The following EMB variants were observed in gnomAD, a reference collection of about 807,000 sequenced individuals.
EMB encodes embigin.
In EMB, 31 loss-of-function variants were observed where a neutral mutation model predicts 41.4. That is an observed-to-expected ratio of 0.75 (90% CI 0.56 to 1.01). The LOEUF is 1.01. Among genes scored for constraint, EMB ranks in the 50% least tolerant of loss-of-function variants. The pLI, the probability that EMB is intolerant of heterozygous loss-of-function variation, is 0.00. For missense variants in EMB, 379 were observed against 388.3 expected, an observed-to-expected ratio of 0.98 and a Z score of 0.20; for synonymous variants, 137 against 140.4, an observed-to-expected ratio of 0.98 and a Z score of 0.17.
intron 7 of EMB, among the ~76,000 whole-genome samples, chr5:50,401,864 A>AT (rs544245047): frequency 1.3e-5 from 2 of 151,968 alleles, no homozygotes; most frequent in South Asian, 4.1e-4. Flanking sequence ...GAGCAACTGT[A>AT]TTTTTTTAAA....
At chr5:50,415,639 A>G (rs1388207249) in intron 2 of EMB, among the ~76,000 whole-genome samples, 2 of 152,210 alleles carry the variant, frequency 1.3e-5, no homozygotes, top group Non-Finnish European at 2.9e-5. Context: ...TTTAGAGATG[A>G]GGCAAAGAGA....
chr5:50,403,967 T>C (rs965569860), intron 5 of EMB, among the ~76,000 whole-genome samples: 12 of 151,824 alleles, frequency 7.9e-5, no homozygotes, highest in Non-Finnish European at 1.5e-5. Flanking sequence ...CTGATGTAGA[T>C]AGAATGGAGG....
chr5:50,437,736 G>A (rs1745828068), intron 1 of EMB, among the ~76,000 whole-genome samples: 1 of 150,460 alleles, frequency 6.6e-6, no homozygotes, highest in African/African-American at 2.5e-5. Flanking sequence ...CTAGAAAGCT[G>A]CTGTGTTTGG....
intron 7 of EMB, among the ~76,000 whole-genome samples, 180 bp from the exon 8 acceptor site, chr5:50,400,093 G>C (rs1219030122): frequency 6.6e-6 from 1 of 152,014 alleles, no homozygotes; most frequent in Non-Finnish European, 1.5e-5. Context: ...TTGAAGAGGA[G>C]CTGTTACCAC....
At chr5:50,442,445 G>A (rs768163637), upstream of EMB, among the ~76,000 whole-genome samples, 129 of 152,210 alleles carry the variant, frequency 8.5e-4, no homozygotes, top group Middle Eastern at 0.01. Context: ...TCTACCAGGT[G>A]CCAATCTACC....
intron 2 of EMB, among the ~76,000 whole-genome samples, chr5:50,427,821 G>C (rs1170291939): frequency 6.6e-6 from 1 of 152,140 alleles, no homozygotes; most frequent in Non-Finnish European, 1.5e-5. Context: ...TCTTGACCTA[G>C]AGTGATGTAA....
Position 50,428,234 on chromosome 5 carries a change from G to A in EMB, c.113-7C>T. The A allele has an allele frequency of 6.3e-7, 1 of 1,591,718 alleles. No homozygotes were observed. Among genetic ancestry groups the A allele is most frequent in the Non-Finnish European group, 8.6e-7 (1 of 1,160,806 alleles). On this transcript the variant is annotated splice_region_variant and splice_polypyrimidine_tract_variant and intron_variant, in intron 1 of 8. Coordinates refer to ENST00000303221, the MANE Select transcript of EMB (RefSeq NM_198449.3). The stretch of plus-strand genomic sequence containing the variant: ...GGACTTGTAAAAGGCGAATCTATAA[G>A]AGAAAGAACACATGATTACACACTC...
Position 50,405,855 on chromosome 5 carries a change from G to C in EMB, c.473-3C>G. ...GTTTTTCCCATGAAGTTCAGGGACT[G>C]AGAATAAAATAGAGAAATGTATGTT... On this transcript the variant is annotated splice_polypyrimidine_tract_variant and splice_region_variant and intron_variant, in intron 4 of 8. Coordinates refer to ENST00000303221, the MANE Select transcript of EMB (RefSeq NM_198449.3). 6.3e-7 allele frequency: 1 copy of C among 1,578,352 alleles called. No homozygotes were observed. Among genetic ancestry groups the C allele is most frequent in the African/African-American group, 1.4e-5 (1 of 72,788 alleles).
chr5:50,419,384 C>T (rs1745479065), intron 2 of EMB, among the ~76,000 whole-genome samples: 3 of 152,132 alleles, frequency 2.0e-5, no homozygotes, highest in Admixed American at 1.3e-4. Flanking sequence ...AAGAAAGGAA[C>T]AGCAAATGAC....
Position 50,403,351 on chromosome 5 carries a change from T to G in EMB, c.704A>C (p.Tyr235Ser), listed in dbSNP as rs200712963. Reference protein sequence around the residue: ...TQLLEEDGESYWCRALFQLGE... With the variant: ...TQLLEEDGESSWCRALFQLGE... ...TAATTGGAATAGTGCACGGCACCAGTAAGATTCCCCATCTTCCTCCAAAAG... is the reference window on the plus strand; with the variant it reads ...TAATTGGAATAGTGCACGGCACCAGGAAGATTCCCCATCTTCCTCCAAAAG... The change falls in exon 6 of 9, where the codon TAC becomes TCC. Residue 235 changes from tyrosine to serine, a missense_variant. Transcript: ENST00000303221. 1.1e-4 allele frequency: 171 copies of G among 1,612,654 alleles called. 1 individual carries two copies. The highest frequency in any genetic ancestry group is 1.3e-4 in the Non-Finnish European group (155 of 1,179,200).
At chr5:50,440,401 C>G (rs1407546740) in intron 1 of EMB, among the ~76,000 whole-genome samples, 1 of 151,852 alleles carries the variant, frequency 6.6e-6, no homozygotes, top group African/African-American at 2.4e-5. Context: ...GGCGTGGTGG[C>G]GCATGCCTGT....
Position 50,413,584 on chromosome 5 carries a change from CT to C in EMB, c.197-2202del, listed in dbSNP as rs796506447. On this transcript the variant is annotated intron_variant, in intron 2 of 8. Coordinates refer to ENST00000303221, the MANE Select transcript of EMB (RefSeq NM_198449.3). ...TCTGGTTTTTTCTTTTTCTTTCTTT[CT>C]TTTTTTTTTTTTTGAGATGGAGCCT... Among the ~76,000 whole-genome samples, 342 of 142,312 alleles carry C rather than the reference CT, an allele frequency of 2.4e-3. 1 individual carries two copies. Among genetic ancestry groups the C allele is most frequent in the East Asian group, 3.0e-3 (15 of 4,954 alleles). 93.4% of individuals were successfully genotyped at this position (142,312 alleles called of 152,430 possible).
intron 2 of EMB, among the ~76,000 whole-genome samples, chr5:50,417,285 A>T (rs1054431814): frequency 1.6e-4 from 24 of 152,210 alleles, no homozygotes; most frequent in African/African-American, 5.8e-4. Flanking sequence ...GATACAATGG[A>T]TCTTATTTTT....
intron 1 of EMB, among the ~76,000 whole-genome samples, chr5:50,431,231 T>A (rs1416822338): frequency 1.3e-5 from 2 of 152,134 alleles, no homozygotes; most frequent in South Asian, 4.1e-4. Context: ...AAAGAGGCAA[T>A]ATACAGAAAT....
chr5:50,408,923 T>C (rs1490670130), intron 4 of EMB, among the ~76,000 whole-genome samples: 1 of 152,070 alleles, frequency 6.6e-6, no homozygotes. Flanking sequence ...CCAAGGAAGA[T>C]TTAAAAGGAC....
chr5:50,411,711 A>G (rs1025524872), intron 2 of EMB: 1 of 163,970 alleles, frequency 6.1e-6, no homozygotes, highest in Non-Finnish European at 1.3e-5. Flanking sequence ...TAAAAACAGC[A>G]CAACTGTAAA....
chr5:50,408,344 T>C (rs1745280826), intron 4 of EMB, among the ~76,000 whole-genome samples: 1 of 152,012 alleles, frequency 6.6e-6, no homozygotes, highest in Non-Finnish European at 1.5e-5. Flanking sequence ...TCTTTCTCTT[T>C]CTCGGGTGGC....
chr5:50,441,156 C>G lies in EMB; in HGVS notation c.-5G>C. ...CAGGCCGGGGAGGGCGCGCATGGCG[C>G]CAGAGGGTCCGCCTGGGTCCTCGTG... On this transcript the variant is annotated 5_prime_UTR_variant, in exon 1 of 9. Transcript: ENST00000303221. 1 of 1,485,658 alleles carries G rather than the reference C, an allele frequency of 6.7e-7. No individual in the cohort carries two copies. Among genetic ancestry groups the G allele is most frequent in the African/African-American group, 1.4e-5 (1 of 69,604 alleles). 92.0% of individuals were successfully genotyped at this position (1,485,658 alleles called of 1,614,324 possible).
intron 2 of EMB, among the ~76,000 whole-genome samples, chr5:50,414,531 A>G (rs1014149801): frequency 4.4e-5 from 4 of 90,560 alleles, no homozygotes; most frequent in African/African-American, 1.9e-4. Flanking sequence ...TCTCAGGCAA[A>G]AAAAAAAAAA....
Sources: gnomAD v4.1 joint callset for allele counts (sites outside exome capture counted in the v4.1 genomes callset) on GRCh38, gnomAD v4.1.1 for gene constraint, MANE v1.5 for transcripts, NCBI Gene and HGNC (gene_info 2026-07-23, HGNC 2026-07-21) for gene names.